MACF1: variants seen among roughly 807,000 people sequenced by gnomAD.
MACF1 encodes microtubule-actin cross-linking factor 1.
Under a neutral mutation model 854.8 loss-of-function variants are expected in MACF1, and 193 were observed. The observed-to-expected ratio is 0.23, with a 90% CI of 0.20 to 0.25. MACF1 has a LOEUF of 0.25. MACF1 is among the 10% of genes least tolerant of loss of function. The pLI is 1.00. For synonymous variants in MACF1, 3,185 were observed against 3,226.7 expected (o/e 0.99, Z 0.44); for missense variants, 7,722 against 8,929.1 (o/e 0.86, Z 5.45).
rs767985607 is a variant in MACF1, at chr1:39,412,370, G to T, written c.15817-10004G>T. 5.0e-6 allele frequency: 8 copies of T among 1,613,950 alleles called. No homozygotes were observed. The African/African-American group carries it at 9.3e-5, about 19-fold the overall frequency. On this transcript the variant is annotated intron_variant, in intron 58 of 100. Transcript: ENST00000564288. Reference sequence around the variant, plus strand: ...GAAAATAACAGTCTGACATCAATGGGAAATGTGGTCACTTGTGAATTGTCT... The same window carrying T: ...GAAAATAACAGTCTGACATCAATGGTAAATGTGGTCACTTGTGAATTGTCT...
intron 44 of MACF1, 115 bp from the exon 45 acceptor site, chr1:39,357,260 C>G: frequency 8.4e-7 from 1 of 1,189,544 alleles, no homozygotes; most frequent in Non-Finnish European, 1.2e-6. Flanking sequence ...GTGAAAAGAC[C>G]AAGGCTGAAT....
chr1:39,280,823 C>T lies in MACF1; in HGVS notation c.529-1385C>T, dbSNP rs532295247. Among the ~76,000 whole-genome samples, 237 of 152,304 alleles carry T rather than the reference C, an allele frequency of 1.6e-3. 1 individual carries two copies. The highest frequency in any genetic ancestry group is 5.4e-3 in the African/African-American group (224 of 41,556). Reference sequence around the variant, plus strand: ...AAACTCCTGACCTCAGGTGATCTGCCTGCCTCAGCCTCCCAAAGAGCTGGG... The same window carrying T: ...AAACTCCTGACCTCAGGTGATCTGCTTGCCTCAGCCTCCCAAAGAGCTGGG... On this transcript the variant is annotated intron_variant, in intron 6 of 100. Coordinates refer to ENST00000564288, the MANE Select transcript of MACF1 (RefSeq NM_001394062.1).
chr1:39,436,508 A>C, intron 70 of MACF1: 7 of 1,612,356 alleles, frequency 4.3e-6, no homozygotes, highest in Non-Finnish European at 5.9e-6. Context: ...ACCCATCCCC[A>C]TTGGGACTAG....
At chr1:39,136,419 C>G (rs892527947) in intron 2 of MACF1, among the ~76,000 whole-genome samples, 1 of 152,162 alleles carries the variant, frequency 6.6e-6, no homozygotes, top group Non-Finnish European at 1.5e-5. Flanking sequence ...CCCTCCAAAC[C>G]CTTGTATCTC....
intron 2 of MACF1, among the ~76,000 whole-genome samples, chr1:39,162,146 A>G (rs1021305433): frequency 2.0e-5 from 3 of 151,728 alleles, no homozygotes; most frequent in Non-Finnish European, 4.4e-5. Flanking sequence ...GATTACAGGC[A>G]TGAGCCACTG....
intron 19 of MACF1, 55 bp from the exon 20 acceptor site, chr1:39,295,732 A>G: frequency 7.9e-7 from 1 of 1,271,274 alleles, no homozygotes; most frequent in Non-Finnish European, 1.1e-6. Flanking sequence ...TATTGCGCAT[A>G]TATATTGAGT....
chr1:39,264,359 A>G (rs1021831326), intron 6 of MACF1, among the ~76,000 whole-genome samples: 1 of 152,138 alleles, frequency 6.6e-6, no homozygotes, highest in African/African-American at 2.4e-5. Context: ...ATTTACTACT[A>G]TTTGACATAT....
intron 2 of MACF1, among the ~76,000 whole-genome samples, chr1:39,173,156 A>T (rs1359351631): frequency 6.6e-6 from 1 of 152,086 alleles, no homozygotes; most frequent in Non-Finnish European, 1.5e-5. Flanking sequence ...CCTGGCCAAC[A>T]TGGTGAAATC....
In MACF1 at chr1:39,283,150, A is replaced by G; in HGVS notation, c.696-39A>G. The G allele has an allele frequency of 7.9e-7, 1 of 1,261,628 alleles. No individual in the cohort carries two copies. The highest frequency in any genetic ancestry group is 1.2e-6 in the Non-Finnish European group (1 of 860,252). 78.2% of individuals were successfully genotyped at this position (1,261,628 alleles called of 1,614,324 possible). The stretch of plus-strand genomic sequence containing the variant: ...TTGTGTAAACTCATGTGTGATGTGT[A>G]GATGGTGGCGTTTCATGTGCCTTGC... On this transcript the variant is annotated intron_variant, in intron 7 of 100. Transcript: ENST00000564288. The surrounding 1 kb of genome is among the most constrained non-coding windows in gnomAD (Gnocchi z 4.5).
At position 39,452,213 on chromosome 1, in the gene MACF1, G is replaced by A. The variant is rs1644355334; in HGVS notation, c.20476G>A (p.Gly6826Ser). 1 of 1,614,074 alleles carries A rather than the reference G, an allele frequency of 6.2e-7. No individual in the cohort carries two copies. Residue 6826 changes from glycine (G) to serine (S), a missense_variant, in exon 86 of 101, where the codon GGC becomes AGC. Around this residue, in one of 15 missense-constraint regions of MACF1, gnomAD observed 729 missense variants for 900.5 expected, o/e 0.81. Coordinates refer to ENST00000564288, the MANE Select transcript of MACF1 (RefSeq NM_001394062.1). ...AACCGTTCAGGTCCTGAAGCGGTCAGGCCGAGAGCTGATTGAGAATAGTCG... is the reference window on the plus strand; with the variant it reads ...AACCGTTCAGGTCCTGAAGCGGTCAAGCCGAGAGCTGATTGAGAATAGTCG... Reference protein sequence around the residue: ...TGTVQVLKRSGRELIENSRDD... With the variant: ...TGTVQVLKRSSRELIENSRDD...
intron 94 of MACF1, 194 bp downstream of exon 94, chr1:39,463,880 A>C (rs2124084850): frequency 2.0e-6 from 1 of 505,832 alleles, no homozygotes; most frequent in East Asian, 3.3e-5. Flanking sequence ...CTACCTAGAT[A>C]GTAGTAGTTT....
intron 58 of MACF1, among the ~76,000 whole-genome samples, chr1:39,397,742 G>T (rs1432655726): frequency 6.6e-6 from 1 of 152,136 alleles, no homozygotes; most frequent in South Asian, 2.1e-4. Context: ...GAAACTGAAT[G>T]ATTGGGTACT....
chr1:39,287,644 G>A, intron 15 of MACF1, 82 bp downstream of exon 15: 1 of 1,433,038 alleles, frequency 7.0e-7, no homozygotes, highest in South Asian at 1.2e-5. Flanking sequence ...AAATTGCTTT[G>A]TGTTCCCTGT....
At chr1:39,380,416 T>C (rs1650075013) in intron 55 of MACF1, 43 bp downstream of exon 55, 1 of 1,572,784 alleles carries the variant, frequency 6.4e-7, no homozygotes, top group East Asian at 2.3e-5. Flanking sequence ...AAGTTACTTG[T>C]CTTCAAAGCA....
Position 39,307,901 on chromosome 1 carries a change from C to CTTTTTTTTTTTTTTTTTTTTTTTTTT in MACF1, c.2790-1648_2790-1647insTTTTTTTTTTTTTTTTTTTTTTTTTT, listed in dbSNP as rs34930273. Among the ~76,000 whole-genome samples the CTTTTTTTTTTTTTTTTTTTTTTTTTT allele has an allele frequency of 1.2e-3, 61 of 50,404 alleles. 5 individuals are homozygous for CTTTTTTTTTTTTTTTTTTTTTTTTTT. The highest frequency in any genetic ancestry group is 1.5e-3 in the Non-Finnish European group (43 of 27,946). The allele number at this position is 50,404 out of a possible 152,430, so 33.1% of individuals were successfully genotyped here. ...TTATTTCTCTTTTCTTTCTTTCTTT[C>CTTTTTTTTTTTTTTTTTTTTTTTTTT]TTTTTTTTTTTTTTTTTTTTTGAGA... On this transcript the variant is annotated intron_variant, in intron 23 of 100. Transcript: ENST00000564288.
intron 89 of MACF1, chr1:39,457,275 A>G (rs755106581): frequency 4.0e-5 from 6 of 151,116 alleles, no homozygotes; most frequent in Non-Finnish European, 7.4e-5. Flanking sequence ...GAGGCCTGTG[A>G]TGTCTGGAGT....
In MACF1 at chr1:39,332,219, T is replaced by C. The variant is rs1264468881; in HGVS notation, c.5631T>C (p.His1877=). The change falls in exon 37 of 101, where the codon CAT becomes CAC. Residue 1877 remains histidine, a synonymous_variant. Transcript: ENST00000564288. ...GTATTGTGTCTACTGAACTAGCACA[T>C]AAAATCCTTAGTAACCGACAGCATA... ...EQGIVSTELA[H]KILSNRQHIK... is the part of the protein sequence containing the mutation. 6.2e-7 allele frequency: 1 copy of C among 1,614,074 alleles called. No homozygotes were observed.
chr1:39,103,023 T>C (rs1642132736), intron 2 of MACF1: 1 of 692,200 alleles, frequency 1.4e-6, no homozygotes, highest in African/African-American at 1.8e-5. Context: ...AAGAATGCAT[T>C]ATTTCAAAAT....
intron 58 of MACF1, among the ~76,000 whole-genome samples, chr1:39,407,843 G>C (rs1196815422): frequency 6.6e-6 from 1 of 152,164 alleles, no homozygotes; most frequent in East Asian, 1.9e-4. Context: ...CAGAGATTCC[G>C]AATTTTAATA....
Sources: gnomAD v4.1 joint callset for allele counts (sites outside exome capture counted in the v4.1 genomes callset) on GRCh38, gnomAD v4.1.1 for gene constraint, gnomAD v4.1.1 regional missense constraint, Gnocchi (gnomAD v3.1) non-coding constraint, MANE v1.5 for transcripts, NCBI Gene and HGNC (gene_info 2026-07-23, HGNC 2026-07-21) for gene names.